CREB5: variants seen among roughly 807,000 people sequenced by gnomAD.
The protein encoded by CREB5 is cAMP responsive element binding protein 5, also known as cyclic AMP-responsive element-binding protein 5.
Under a neutral mutation model 57.1 loss-of-function variants are expected in CREB5, and 19 were observed. That is an observed-to-expected ratio of 0.33 (90% CI 0.23 to 0.49). CREB5 has a LOEUF of 0.49. Ranked by LOEUF, CREB5 falls within the 20% of genes least tolerant of loss-of-function variation. CREB5 has a pLI of 0.99. For missense variants in CREB5, 579 were observed against 671.6 expected (o/e 0.86, Z 1.52); for synonymous variants, 238 against 238.3 (o/e 1.00, Z 0.01).
chr7:28,313,814 A>G (rs114129230), intron 1 of CREB5, among the ~76,000 whole-genome samples: 2,122 of 152,370 alleles, frequency 0.014, 53 homozygotes, highest in African/African-American at 0.048. Flanking sequence ...CACTTGCTGA[A>G]GAAATAAAAA....
intron 1 of CREB5, among the ~76,000 whole-genome samples, chr7:28,418,583 G>A (rs184628790): frequency 2.6e-5 from 4 of 152,128 alleles, no homozygotes; most frequent in Admixed American, 2.6e-4. Flanking sequence ...CAACCATATC[G>A]CCTTTAAAGC....
At position 28,354,491 on chromosome 7, in the gene CREB5, C is replaced by G. The variant is rs146442307; in HGVS notation, c.-25+55050C>G. 4.1e-3 allele frequency among the ~76,000 whole-genome samples: 622 copies of G among 152,304 alleles called. 1 individual carries two copies. Among genetic ancestry groups the G allele is most frequent in the Admixed American group, 6.6e-3 (101 of 15,296 alleles). ...CTGGCTCTCCTTGCTCCTCAGCTTG[C>G]AGACGGCGTATTGTGGGACTTTGTG... On this transcript the variant is annotated intron_variant, in intron 1 of 9. Coordinates refer to the CREB5 transcript ENST00000396299.
At chr7:28,529,105 C>T (rs1369141252) in intron 4 of CREB5, among the ~76,000 whole-genome samples, 1 of 152,222 alleles carries the variant, frequency 6.6e-6, no homozygotes, top group Non-Finnish European at 1.5e-5. Flanking sequence ...GTGGGAGCAA[C>T]TCTAAAGCTA....
rs184067297 is a variant in CREB5 at position 28,620,589 on chromosome 7, G to A, written c.464+50052G>A. ...CTAGATACAAATTATATTTGGCCTC[G>A]TGGAGATACTAGGAACTGTATATCC... On this transcript the variant is annotated intron_variant, in intron 5 of 10. Coordinates refer to ENST00000357727, the MANE Select transcript of CREB5 (RefSeq NM_182898.4). Among the ~76,000 whole-genome samples the A allele has an allele frequency of 1.3e-3, 191 of 152,262 alleles. 1 individual carries two copies. The highest frequency in any genetic ancestry group is 1.8e-3 in the Non-Finnish European group (120 of 68,032).
At chr7:28,348,527 G>T (rs1325681234) in intron 1 of CREB5, among the ~76,000 whole-genome samples, 2 of 151,984 alleles carry the variant, frequency 1.3e-5, no homozygotes, top group Admixed American at 6.6e-5. Context: ...GGGACTCAAT[G>T]CTTGGAAGCT....
chr7:28,408,015 A>G (rs1056484452), upstream of CREB5, among the ~76,000 whole-genome samples: 1 of 152,216 alleles, frequency 6.6e-6, no homozygotes, highest in African/African-American at 2.4e-5. Flanking sequence ...CTCCCAGCCA[A>G]TGTGTTCTTA....
chr7:28,692,041 C>T lies in CREB5; in HGVS notation c.465-26712C>T, dbSNP rs1308058841. On this transcript the variant is annotated intron_variant, in intron 5 of 10. Transcript: ENST00000357727. ...AAAAAAAAAAAAAACAACAAATTAG[C>T]TGGGCGTGGTGGCATGCGCACGTAG... Among the ~76,000 whole-genome samples, 5 of 150,360 alleles carry T rather than the reference C, an allele frequency of 3.3e-5. No homozygotes were observed. The South Asian group carries it at 6.3e-4, about 19-fold the overall frequency.
At chr7:28,345,854 C>T (rs760747332) in intron 1 of CREB5, among the ~76,000 whole-genome samples, 3 of 152,104 alleles carry the variant, frequency 2.0e-5, no homozygotes, top group Non-Finnish European at 2.9e-5. Context: ...AGCTCAGGAA[C>T]ACAGGGAGTG....
chr7:28,318,927 T>C (rs764836259), intron 1 of CREB5, among the ~76,000 whole-genome samples: 1 of 152,298 alleles, frequency 6.6e-6, no homozygotes, highest in Non-Finnish European at 1.5e-5. Flanking sequence ...CTCCCAAATA[T>C]CATCTACTCA....
At chr7:28,760,484 C>A (rs1447317203) in intron 7 of CREB5, among the ~76,000 whole-genome samples, 1 of 152,182 alleles carries the variant, frequency 6.6e-6, no homozygotes, top group African/African-American at 2.4e-5. Flanking sequence ...ACCGATGCTG[C>A]CTCCGCATGT....
chr7:28,428,605 C>T (rs1424163445), intron 1 of CREB5, among the ~76,000 whole-genome samples: 1 of 152,150 alleles, frequency 6.6e-6, no homozygotes, highest in Non-Finnish European at 1.5e-5. Context: ...ATGAAGTTGT[C>T]ATCGACTGAG....
chr7:28,387,332 T>C (rs920291937), intron 1 of CREB5, among the ~76,000 whole-genome samples: 1 of 152,212 alleles, frequency 6.6e-6, no homozygotes, highest in African/African-American at 2.4e-5. Flanking sequence ...TGATCAGTGA[T>C]GTTGAGCTTT....
intron 1 of CREB5, among the ~76,000 whole-genome samples, chr7:28,419,533 A>G (rs376590088): frequency 1.3e-5 from 2 of 152,256 alleles, no homozygotes; most frequent in East Asian, 1.9e-4. Flanking sequence ...TCCTCCAAGC[A>G]TCATGCTAAA....
intron 1 of CREB5, among the ~76,000 whole-genome samples, chr7:28,415,124 A>C (rs1787974981): frequency 1.3e-5 from 2 of 152,192 alleles, no homozygotes; most frequent in African/African-American, 4.8e-5. Context: ...TTAGGATTTC[A>C]ATCCTTAACA....
intron 4 of CREB5, among the ~76,000 whole-genome samples, chr7:28,511,495 CT>C (rs913768550): frequency 1.8e-4 from 27 of 152,062 alleles, no homozygotes; most frequent in East Asian, 9.7e-4. Context: ...ATTTTTTGGG[CT>C]TTTTTTGAGA....
At chr7:28,635,935 A>G (rs1278453804) in intron 5 of CREB5, among the ~76,000 whole-genome samples, 1 of 152,238 alleles carries the variant, frequency 6.6e-6, no homozygotes, top group Non-Finnish European at 1.5e-5. Context: ...AGCTTTCTGA[A>G]GAGATTAGCA....
chr7:28,584,701 G>C (rs969451086), intron 5 of CREB5, among the ~76,000 whole-genome samples: 3 of 151,870 alleles, frequency 2.0e-5, no homozygotes, highest in Admixed American at 6.6e-5. Flanking sequence ...GTGGTAATTT[G>C]TGACTGCAGC....
At chr7:28,323,935 C>T (rs1785533533) in intron 1 of CREB5, among the ~76,000 whole-genome samples, 3 of 152,154 alleles carry the variant, frequency 2.0e-5, no homozygotes, top group Admixed American at 2.0e-4. Context: ...AAGGAGGATG[C>T]AACCTAGATC....
In CREB5 at chr7:28,353,119, T is replaced by G. The variant is rs147263739; in HGVS notation, c.-25+53678T>G. 2.5e-3 allele frequency among the ~76,000 whole-genome samples: 375 copies of G among 152,346 alleles called. 12 individuals carry two copies. The East Asian group carries it at 0.061, about 25-fold the overall frequency. ...GTTTTGTTTTTGTTTTTTGAGAGTCTTGCTCTGTTGCCAAAGCTGGAGTTT... is the reference window on the plus strand; with the variant it reads ...GTTTTGTTTTTGTTTTTTGAGAGTCGTGCTCTGTTGCCAAAGCTGGAGTTT... On this transcript the variant is annotated intron_variant, in intron 1 of 9. Coordinates refer to the CREB5 transcript ENST00000396299.
Sources: allele counts gnomAD v4.1 joint callset (sites outside exome capture counted in the v4.1 genomes callset), GRCh38; gene constraint gnomAD v4.1.1; transcripts MANE v1.5; gene names NCBI Gene and HGNC (gene_info 2026-07-23, HGNC 2026-07-21).